Variants in AIG1 observed in about 807,000 individuals in gnomAD.
The protein encoded by AIG1 is androgen-induced gene 1 protein.
A neutral mutation model predicts 31.4 loss-of-function variants in AIG1; 23 were observed. The observed-to-expected ratio is 0.73, with a 90% CI of 0.53 to 1.04. The LOEUF is 1.04. Among genes scored for constraint, AIG1 ranks in the 50% least tolerant of loss-of-function variants. AIG1 has a pLI of 0.00. For missense variants in AIG1, 274 were observed against 295.0 expected (o/e 0.93, Z 0.52); for synonymous variants, 100 against 110.5 (o/e 0.90, Z 0.60).
Position 143,327,493 on chromosome 6 carries a change from C to A in AIG1, c.516-5789C>A. 1 of 386,174 alleles carries A rather than the reference C, an allele frequency of 2.6e-6. No homozygotes were observed. Among genetic ancestry groups the A allele is most frequent in the South Asian group, 2.3e-5 (1 of 44,000 alleles). The allele number at this position is 386,174 out of a possible 1,614,324, so 23.9% of individuals were successfully genotyped here. A position where few individuals can be genotyped will look rare whatever the true frequency, so the allele number is the denominator to read the frequency against. Reference sequence around the variant, plus strand: ...TTGATACCAGGCCCAACAAAACTGTCTGGGCCAAAGGAATAAGGAATGTCC... The same window carrying A: ...TTGATACCAGGCCCAACAAAACTGTATGGGCCAAAGGAATAAGGAATGTCC... On this transcript the variant is annotated intron_variant, in intron 4 of 5. Transcript: ENST00000357847. This position sits in a 1 kb window ranked among gnomAD's most constrained non-coding sequence, Gnocchi z 5.3.
Position 143,165,195 on chromosome 6 carries a change from A to T in AIG1, c.399+12A>T. The T allele has an allele frequency of 2.5e-6, 4 of 1,581,104 alleles. No individual in the cohort carries two copies. Among genetic ancestry groups the T allele is most frequent in the Non-Finnish European group, 3.5e-6 (4 of 1,150,766 alleles). ...TGAATCACGGAATGGTGAGTGGATT[A>T]AAACAAACGGCTTTCTTTTATTTTA... On this transcript the variant is annotated intron_variant, in intron 3 of 5. Transcript: ENST00000357847.
intron 1 of AIG1, among the ~76,000 whole-genome samples, chr6:143,123,419 A>G (rs1348715792): frequency 1.3e-5 from 2 of 152,202 alleles, no homozygotes; most frequent in African/African-American, 4.8e-5. Context: ...TAACTTGGCT[A>G]TGTGCAGGCT....
chr6:143,065,526 C>T (rs1776617835), intron 1 of AIG1, among the ~76,000 whole-genome samples: 2 of 151,748 alleles, frequency 1.3e-5, no homozygotes, highest in Admixed American at 6.6e-5. Flanking sequence ...GATAATTGCC[C>T]CAAAAGATAA....
intron 2 of AIG1, among the ~76,000 whole-genome samples, chr6:143,143,445 G>A (rs1368547345): frequency 1.5e-5 from 2 of 130,302 alleles, no homozygotes; most frequent in Non-Finnish European, 3.1e-5. Context: ...AGCTTGCAGT[G>A]AGCCGAGATC....
intron 2 of AIG1, among the ~76,000 whole-genome samples, chr6:143,152,114 T>C (rs557265424): frequency 6.6e-6 from 1 of 152,338 alleles, no homozygotes; most frequent in Admixed American, 6.5e-5. Flanking sequence ...ATTCTGGTCA[T>C]AGTATTCTGT....
intron 3 of AIG1, among the ~76,000 whole-genome samples, chr6:143,226,264 TGG>T (rs1792943033): frequency 6.6e-6 from 1 of 150,740 alleles, no homozygotes; most frequent in East Asian, 2.0e-4. Context: ...TTTTTTGAGA[TGG>T]AGTCTCACTC....
chr6:143,094,177 C>G (rs1242190869), intron 1 of AIG1: 1 of 151,800 alleles, frequency 6.6e-6, no homozygotes, highest in African/African-American at 2.4e-5. Context: ...TGATGTCCCC[C>G]CATATCTGCT....
At chr6:143,244,081 C>T (rs986589) in intron 3 of AIG1, among the ~76,000 whole-genome samples, 42,167 of 152,056 alleles carry the variant, frequency 0.28, 6,632 homozygotes, top group East Asian at 0.46. Flanking sequence ...AAATAGCTGG[C>T]AGATTATTGA....
intron 3 of AIG1, among the ~76,000 whole-genome samples, chr6:143,241,710 T>C (rs1260417038): frequency 6.6e-6 from 1 of 152,202 alleles, no homozygotes; most frequent in East Asian, 1.9e-4. Flanking sequence ...ACAGAGCATT[T>C]AAGCAATGCA....
chr6:143,218,033 C>T (rs1021101210), intron 3 of AIG1, among the ~76,000 whole-genome samples: 3 of 152,206 alleles, frequency 2.0e-5, no homozygotes, highest in African/African-American at 7.2e-5. Context: ...GTTATTTTAG[C>T]GTGAATGTTT....
At chr6:143,116,718 C>T (rs929955806) in intron 1 of AIG1, among the ~76,000 whole-genome samples, 1 of 150,214 alleles carries the variant, frequency 6.7e-6, no homozygotes, top group African/African-American at 2.5e-5. Context: ...AACTTTCATA[C>T]TGGGGAGAGA....
In AIG1 at chr6:143,116,116, T is replaced by C. The variant is rs58280244; in HGVS notation, c.142-20719T>C. Among the ~76,000 whole-genome samples the C allele has an allele frequency of 2.9e-3, 445 of 152,380 alleles. 5 individuals carry two copies. Among genetic ancestry groups the C allele is most frequent in the African/African-American group, 0.01 (430 of 41,598 alleles). ...CTGGGTGAAATTCTTCTTCTGTTTA[T>C]ACTTATTGAACATTCATTTGTGCTG... is the stretch of plus-strand genomic sequence containing the variant. On this transcript the variant is annotated intron_variant, in intron 1 of 5. Coordinates refer to ENST00000357847, the MANE Select transcript of AIG1 (RefSeq NM_016108.4).
At chr6:143,191,456 A>G (rs1323982915) in intron 3 of AIG1, among the ~76,000 whole-genome samples, 3 of 152,150 alleles carry the variant, frequency 2.0e-5, no homozygotes, top group Non-Finnish European at 2.9e-5. Flanking sequence ...ATATAACTCA[A>G]TTTCCTACAG....
At chr6:143,165,221 A>T (rs1786810263) in intron 3 of AIG1, 38 bp downstream of exon 3, 1 of 1,503,356 alleles carries the variant, frequency 6.7e-7, no homozygotes, top group Non-Finnish European at 9.2e-7. Context: ...TTTTATTTTA[A>T]AAAATCTATT....
chr6:143,121,541 C>G (rs137977855), intron 1 of AIG1, among the ~76,000 whole-genome samples: 1 of 152,146 alleles, frequency 6.6e-6, no homozygotes, highest in African/African-American at 2.4e-5. Context: ...GACAGAATTG[C>G]CACAAAGATG....
chr6:143,273,972 T>C (rs1796718879), intron 3 of AIG1, among the ~76,000 whole-genome samples: 1 of 152,092 alleles, frequency 6.6e-6, no homozygotes, highest in South Asian at 2.1e-4. Context: ...AGAGAATGCC[T>C]CTCCATGACA....
intron 3 of AIG1, among the ~76,000 whole-genome samples, chr6:143,245,175 A>T (rs774697803): frequency 7.9e-5 from 12 of 152,196 alleles, no homozygotes; most frequent in Non-Finnish European, 1.5e-4. Flanking sequence ...CTCTTATATT[A>T]GTAGAGTATA....
At chr6:143,321,258 C>T (rs1283722933) in intron 4 of AIG1, among the ~76,000 whole-genome samples, 1 of 152,044 alleles carries the variant, frequency 6.6e-6, no homozygotes, top group South Asian at 2.1e-4. Context: ...ATCATGTATA[C>T]ATTAATTATG....
At chr6:143,059,760 A>G (rs1776092874), upstream of AIG1, among the ~76,000 whole-genome samples, 1 of 152,200 alleles carries the variant, frequency 6.6e-6, no homozygotes, top group Non-Finnish European at 1.5e-5. Flanking sequence ...TCTGACTCAG[A>G]GACTATTTGA....
Sources: allele counts gnomAD v4.1 joint callset (sites outside exome capture counted in the v4.1 genomes callset), GRCh38; gene constraint gnomAD v4.1.1; non-coding constraint Gnocchi (gnomAD v3.1); transcripts MANE v1.5; gene names NCBI Gene and HGNC (gene_info 2026-07-23, HGNC 2026-07-21).